The following AUTS2 variants were observed in gnomAD, a reference collection of about 807,000 sequenced individuals.
AUTS2 encodes autism susceptibility gene 2 protein.
Under a neutral mutation model 112.4 loss-of-function variants are expected in AUTS2, and 17 were observed. That is an observed-to-expected ratio of 0.15 (90% CI 0.10 to 0.23). The LOEUF (loss-of-function observed/expected upper bound fraction) is 0.23, where lower values mean the gene tolerates loss of function less well. Ranked by LOEUF, AUTS2 falls within the 10% of genes least tolerant of loss-of-function variation. The probability of loss-of-function intolerance (pLI) is 1.00; values close to 1 mark genes in which losing one functional copy is unlikely to be tolerated. For missense variants in AUTS2, 1,510 were observed against 1,701.6 expected (o/e 0.89, Z 1.98); for synonymous variants, 751 against 702.7 (o/e 1.07, Z -1.09).
At chr7:69,785,680 G>A (rs895725316) in intron 1 of AUTS2, among the ~76,000 whole-genome samples, 1 of 152,196 alleles carries the variant, frequency 6.6e-6, no homozygotes, top group Non-Finnish European at 1.5e-5. Flanking sequence ...TGATAAACAG[G>A]AGTTATATTT....
intron 4 of AUTS2, among the ~76,000 whole-genome samples, chr7:70,357,987 A>T (rs1449621459): frequency 6.6e-6 from 1 of 151,752 alleles, no homozygotes; most frequent in Non-Finnish European, 1.5e-5. Context: ...GAGGTTGGCG[A>T]GACCTAGAAT....
intron 6 of AUTS2, among the ~76,000 whole-genome samples, chr7:70,730,050 T>C (rs1787282267): frequency 6.6e-6 from 1 of 152,082 alleles, no homozygotes; most frequent in Non-Finnish European, 1.5e-5. Flanking sequence ...GCCCGGCTAA[T>C]TTTTTGTATA....
chr7:70,585,880 T>G (rs2866716), intron 5 of AUTS2, among the ~76,000 whole-genome samples: 147,289 of 151,322 alleles, frequency 0.97, 71,768 homozygotes, highest in Non-Finnish European at 0.99. Context: ...ATGTATGTTT[T>G]GAGACAGTGT....
intron 4 of AUTS2, among the ~76,000 whole-genome samples, chr7:70,180,450 A>G (rs1236326967): frequency 6.6e-6 from 1 of 152,234 alleles, no homozygotes; most frequent in Non-Finnish European, 1.5e-5. Flanking sequence ...TTTGTGTTGG[A>G]AGTTAATGAT....
intron 4 of AUTS2, among the ~76,000 whole-genome samples, chr7:70,194,148 G>A (rs889636148): frequency 1.3e-5 from 2 of 152,178 alleles, no homozygotes; most frequent in African/African-American, 2.4e-5. Context: ...GGTGGCTCAC[G>A]CCTGTAATCC....
chr7:69,836,606 T>C (rs1033091481), intron 1 of AUTS2, among the ~76,000 whole-genome samples: 54 of 152,138 alleles, frequency 3.5e-4, no homozygotes, highest in Non-Finnish European at 2.8e-4. Flanking sequence ...TCTTATGTGA[T>C]TAAATCACTC....
Position 70,379,064 on chromosome 7 carries a change from G to A in AUTS2, c.661-56688G>A, listed in dbSNP as rs534246796. On this transcript the variant is annotated intron_variant, in intron 4 of 18. Transcript: ENST00000342771. ...TCATGGCTTTTTTTTTAAGTTGCTG[G>A]ATATAAGCCAGGTTATCATATAATG... Among the ~76,000 whole-genome samples, 12 of 152,054 alleles carry A rather than the reference G, an allele frequency of 7.9e-5. No homozygotes were observed. In the South Asian group the frequency reaches 2.5e-3, roughly 32 times the overall value.
chr7:69,864,367 C>G (rs908560480), intron 1 of AUTS2, among the ~76,000 whole-genome samples: 1 of 152,154 alleles, frequency 6.6e-6, no homozygotes, highest in Non-Finnish European at 1.5e-5. Flanking sequence ...TGATGCAGCT[C>G]TCTCCTGTTG....
At chr7:70,704,832 T>C (rs972410056) in intron 6 of AUTS2, among the ~76,000 whole-genome samples, 54 of 152,368 alleles carry the variant, frequency 3.5e-4, no homozygotes, top group Non-Finnish European at 3.4e-4. Flanking sequence ...TGTATGTTTA[T>C]TTAACTAGGT....
chr7:69,886,472 G>A (rs887388978), intron 1 of AUTS2, among the ~76,000 whole-genome samples: 5 of 152,112 alleles, frequency 3.3e-5, no homozygotes, highest in African/African-American at 9.7e-5. Context: ...GTAAAACTGC[G>A]TTTATATTCA....
At chr7:70,305,478 C>A (rs991093017) in intron 4 of AUTS2, among the ~76,000 whole-genome samples, 2 of 152,124 alleles carry the variant, frequency 1.3e-5, no homozygotes, top group African/African-American at 4.8e-5. Flanking sequence ...AATTTGGATT[C>A]TCTCCAATTT....
At chr7:70,188,319 C>A (rs965506711) in intron 4 of AUTS2, among the ~76,000 whole-genome samples, 2 of 152,118 alleles carry the variant, frequency 1.3e-5, no homozygotes, top group Non-Finnish European at 2.9e-5. Flanking sequence ...AGGGGCGGAT[C>A]TTTGAGGAGG....
At chr7:70,089,628 G>A (rs907444176) in intron 2 of AUTS2, among the ~76,000 whole-genome samples, 3 of 151,940 alleles carry the variant, frequency 2.0e-5, no homozygotes, top group African/African-American at 2.4e-5. Context: ...ATATGGTTAT[G>A]TTTATATATT....
At chr7:70,253,797 A>T (rs1289288854) in intron 4 of AUTS2, among the ~76,000 whole-genome samples, 1 of 151,792 alleles carries the variant, frequency 6.6e-6, no homozygotes, top group African/African-American at 2.4e-5. Flanking sequence ...AGAAATTTTC[A>T]TTGCAATTTA....
intron 4 of AUTS2, among the ~76,000 whole-genome samples, chr7:70,139,849 A>T (rs1025819020): frequency 2.6e-5 from 4 of 152,060 alleles, no homozygotes; most frequent in Admixed American, 6.6e-5. Context: ...AAAAATGCCA[A>T]AATTAACTGG....
intron 2 of AUTS2, among the ~76,000 whole-genome samples, chr7:70,063,369 T>C (rs1802343696): frequency 6.6e-6 from 1 of 152,156 alleles, no homozygotes; most frequent in Non-Finnish European, 1.5e-5. Context: ...TTTACACATT[T>C]AACAGGATGT....
At chr7:70,151,179 G>A (rs978657943) in intron 4 of AUTS2, among the ~76,000 whole-genome samples, 5 of 152,104 alleles carry the variant, frequency 3.3e-5, no homozygotes, top group Admixed American at 1.3e-4. Context: ...GGTGATGCAC[G>A]GAGAAAGGAT....
chr7:70,390,293 A>G (rs1404480258), intron 4 of AUTS2, among the ~76,000 whole-genome samples: 5 of 152,208 alleles, frequency 3.3e-5, no homozygotes, highest in Admixed American at 3.3e-4. Flanking sequence ...AGATTTTCTG[A>G]TTCAGTAGAT....
chr7:70,789,880 C>T lies in AUTS2; in HGVS notation c.2664C>T (p.Asp888=), dbSNP rs146682239. The change falls in exon 19 of 19, where the codon GAC becomes GAT. Residue 888 remains aspartate (D), a synonymous_variant. Transcript: ENST00000342771. ...AHLNTEAREK[D]KPKERERDHS... ...TGAACACTGAGGCTCGGGAGAAGGACAAACCCAAAGAGAGGGAGAGAGACC... is the reference window on the plus strand; with the variant it reads ...TGAACACTGAGGCTCGGGAGAAGGATAAACCCAAAGAGAGGGAGAGAGACC... The T allele has an allele frequency of 5.6e-4, 910 of 1,614,116 alleles. 9 individuals are homozygous for T. In the East Asian group the frequency reaches 0.016, roughly 28 times the overall value.
Sources: gnomAD v4.1 joint callset for allele counts (sites outside exome capture counted in the v4.1 genomes callset) on GRCh38, gnomAD v4.1.1 for gene constraint, MANE v1.5 for transcripts, NCBI Gene and HGNC (gene_info 2026-07-23, HGNC 2026-07-21) for gene names.